Variants in IARS2 observed in about 807,000 individuals in gnomAD.
IARS2 encodes the protein isoleucyl-tRNA synthetase 2, mitochondrial.
A neutral mutation model predicts 126.3 loss-of-function variants in IARS2; 56 were observed. The ratio of observed to expected loss-of-function variants is 0.44; its 90% CI spans 0.36 to 0.55. The LOEUF (loss-of-function observed/expected upper bound fraction) is 0.55. IARS2 is among the 20% of genes least tolerant of loss of function. The pLI is 0.00. For missense variants in IARS2, 1,127 were observed against 1,245.9 expected, an observed-to-expected ratio of 0.90 and a Z score of 1.44; for synonymous variants, 407 against 441.1, an observed-to-expected ratio of 0.92 and a Z score of 0.97.
intron 15 of IARS2, among the ~76,000 whole-genome samples, chr1:220,135,065 G>T (rs1407394098): frequency 6.6e-6 from 1 of 152,148 alleles, no homozygotes; most frequent in Admixed American, 6.5e-5. Context: ...ACCATGCCTG[G>T]CCTAGAACTA....
Position 220,096,236 on chromosome 1 carries a change from A to G in IARS2, c.390+10A>G, listed in dbSNP as rs201829262. 1,509 of 1,548,068 alleles carry G rather than the reference A, an allele frequency of 9.7e-4. 10 individuals are homozygous for G. Among genetic ancestry groups the G allele is most frequent in the Middle Eastern group, 8.3e-3 (48 of 5,764 alleles). The stretch of plus-strand genomic sequence containing the variant: ...ACATGCTTTAAATAAGGTAACTATA[A>G]TTTAGGTTATGACACTTGAAAGAAA... On this transcript the variant is annotated intron_variant, in intron 2 of 22. Transcript: ENST00000366922.
chr1:220,137,823 C>A (rs1657409734), intron 16 of IARS2, 95 bp from the exon 17 acceptor site: 2 of 1,406,244 alleles, frequency 1.4e-6, no homozygotes, highest in Admixed American at 1.8e-5. Context: ...ACATTGTGCT[C>A]AAAAATATCT....
chr1:220,143,885 A>T, intron 21 of IARS2: 1 of 726,426 alleles, frequency 1.4e-6, no homozygotes, highest in East Asian at 2.6e-5. Flanking sequence ...CTAAATGCTT[A>T]AGAAGAGAAT....
intron 11 of IARS2, among the ~76,000 whole-genome samples, chr1:220,113,652 G>T (rs1440375905): frequency 3.3e-5 from 5 of 151,956 alleles, no homozygotes; most frequent in African/African-American, 9.7e-5. Context: ...GAGAGAGAGA[G>T]ATTTATTTTA....
intron 12 of IARS2, among the ~76,000 whole-genome samples, chr1:220,117,374 T>TA (rs983404737): frequency 6.6e-6 from 1 of 151,460 alleles, no homozygotes. Flanking sequence ...TATATATATA[T>TA]TTTTTAGTAG....
At chr1:220,138,106 T>G in intron 17 of IARS2, 63 bp downstream of exon 17, 1 of 1,547,788 alleles carries the variant, frequency 6.5e-7, no homozygotes, top group Non-Finnish European at 8.9e-7. Flanking sequence ...TTTTAAAAAA[T>G]GAGACACATT....
At chr1:220,100,016 T>G (rs1208228750) in intron 2 of IARS2, among the ~76,000 whole-genome samples, 1 of 152,214 alleles carries the variant, frequency 6.6e-6, no homozygotes, top group Non-Finnish European at 1.5e-5. Context: ...GAAATTGAGC[T>G]TGGAGCCAAA....
intron 21 of IARS2, among the ~76,000 whole-genome samples, chr1:220,145,264 A>G (rs1349640622): frequency 1.3e-5 from 2 of 152,166 alleles, no homozygotes; most frequent in Non-Finnish European, 2.9e-5. Flanking sequence ...ATTAGAAGTA[A>G]GAGACATCTT....
chr1:220,107,173 A>G (rs1656699296), intron 10 of IARS2, 22 bp downstream of exon 10: 3 of 1,521,340 alleles, frequency 2.0e-6, no homozygotes, highest in Admixed American at 3.3e-5. Flanking sequence ...ATCTGTTGAT[A>G]TCATACATGT....
chr1:220,126,923 A>G (rs1372980533), intron 14 of IARS2, 80 bp downstream of exon 14: 6 of 1,000,890 alleles, frequency 6.0e-6, no homozygotes, highest in Non-Finnish European at 9.1e-6. Context: ...TCTATAATCA[A>G]ACTCTTTTTC....
intron 16 of IARS2, 125 bp from the exon 17 acceptor site, chr1:220,137,793 T>TACATTACTAGTACAA: frequency 1.0e-6 from 1 of 968,710 alleles, no homozygotes; most frequent in Non-Finnish European, 1.6e-6. Flanking sequence ...TTCATTACAG[T>TACATTACTAGTACAA]GCTAGTATAG....
intron 3 of IARS2, among the ~76,000 whole-genome samples, chr1:220,100,892 T>C (rs1012448083): frequency 1.3e-5 from 2 of 152,220 alleles, no homozygotes; most frequent in Non-Finnish European, 2.9e-5. Context: ...AGTTTCTTAA[T>C]GTTCATATTT....
intron 13 of IARS2, among the ~76,000 whole-genome samples, chr1:220,126,268 C>G (rs1250243494): frequency 6.6e-6 from 1 of 152,144 alleles, no homozygotes; most frequent in Non-Finnish European, 1.5e-5. Context: ...GAGTAAGACT[C>G]TGTCTCAAAA....
rs1427231228 is a variant in IARS2 at position 220,137,995 on chromosome 1, T to G, written c.2127T>G (p.Val709=). 6.2e-7 allele frequency: 1 copy of G among 1,614,170 alleles called. No homozygotes were observed. The highest frequency in any genetic ancestry group is 1.1e-5 in the South Asian group (1 of 91,074). The change falls in exon 17 of 23, where the codon GTT becomes GTG. Residue 709 remains valine, a synonymous_variant. Transcript: ENST00000366922. The part of the protein sequence containing the change: ...WVADSNVFTE[V]AIGPSVLNAA... The stretch of plus-strand genomic sequence containing the variant: ...CTGATTCCAATGTCTTCACCGAAGT[T>G]GCAATTGGCCCATCCGTGCTCAATG...
At chr1:220,129,552 T>C (rs1441740387) in intron 14 of IARS2, among the ~76,000 whole-genome samples, 1 of 152,228 alleles carries the variant, frequency 6.6e-6, no homozygotes, top group Non-Finnish European at 1.5e-5. Context: ...TTCTACTTTC[T>C]ACCTCCATAA....
chr1:220,147,720 C>A lies in IARS2; in HGVS notation c.*85C>A. 2.1e-6 allele frequency: 3 copies of A among 1,424,834 alleles called. No individual in the cohort carries two copies. Among genetic ancestry groups the A allele is most frequent in the South Asian group, 1.3e-5 (1 of 74,850 alleles). The allele number at this position is 1,424,834 out of a possible 1,614,324, so 88.3% of individuals were successfully genotyped here. A position where few individuals can be genotyped will look rare whatever the true frequency, so the allele number is the denominator to read the frequency against. ...ATTATTTACAATATAGGAAAGAAAG[C>A]CAAGATTTAGGTAATGAGTGGATGA... is the stretch of plus-strand genomic sequence containing the variant. On this transcript the variant is annotated 3_prime_UTR_variant, in exon 23 of 23. Coordinates refer to ENST00000366922, the MANE Select transcript of IARS2 (RefSeq NM_018060.4).
At chr1:220,138,403 G>A (rs1303167542) in intron 17 of IARS2, among the ~76,000 whole-genome samples, 6 of 152,230 alleles carry the variant, frequency 3.9e-5, no homozygotes, top group South Asian at 4.1e-4. Flanking sequence ...CGCAGGAGGC[G>A]GAGGTTGCAG....
At chr1:220,129,715 C>T (rs1657221314) in intron 14 of IARS2, among the ~76,000 whole-genome samples, 1 of 152,094 alleles carries the variant, frequency 6.6e-6, no homozygotes, top group Non-Finnish European at 1.5e-5. Flanking sequence ...AATAGTATTC[C>T]ATTGTGTATA....
intron 15 of IARS2, among the ~76,000 whole-genome samples, chr1:220,135,139 A>T (rs1480903275): frequency 1.3e-5 from 2 of 152,134 alleles, no homozygotes; most frequent in Non-Finnish European, 2.9e-5. Flanking sequence ...AGGTTGAGAG[A>T]AGACAGCCTG....
Sources: allele counts gnomAD v4.1 joint callset (sites outside exome capture counted in the v4.1 genomes callset), GRCh38; gene constraint gnomAD v4.1.1; transcripts MANE v1.5; gene names NCBI Gene and HGNC (gene_info 2026-07-23, HGNC 2026-07-21).